Variants in KIF1A observed in about 807,000 individuals in gnomAD.
KIF1A encodes the protein kinesin-like protein KIF1A.
Under a neutral mutation model 227.3 loss-of-function variants are expected in KIF1A, and 46 were observed. The ratio of observed to expected loss-of-function variants is 0.20; its 90% CI spans 0.16 to 0.26. The LOEUF (loss-of-function observed/expected upper bound fraction) is 0.26. Ranked by LOEUF, KIF1A falls within the 10% of genes least tolerant of loss-of-function variation. KIF1A has a pLI of 1.00. For synonymous variants in KIF1A, 1,022 were observed against 1,012.8 expected (o/e 1.01, Z -0.17); for missense variants, 1,683 against 2,485.9 (o/e 0.68, Z 6.87).
chr2:240,791,775 G>T (rs1207097220), intron 2 of KIF1A, among the ~76,000 whole-genome samples: 4 of 152,184 alleles, frequency 2.6e-5, no homozygotes, highest in Non-Finnish European at 5.9e-5. Context: ...GGCAGCACAG[G>T]TGAGTGGGCG....
rs2044510359 is a variant in KIF1A, at chr2:240,715,421, G to A, written c.*1943C>T. On this transcript the variant is annotated 3_prime_UTR_variant, in exon 49 of 49. Transcript: ENST00000498729. The stretch of plus-strand genomic sequence containing the variant: ...CACAGAACCCCCCCATCAGCCCCTG[G>A]GAGAGCCTCCCAGGCAGGGGATGAG... The A allele has an allele frequency of 6.6e-6, 1 of 152,326 alleles. No individual in the cohort carries two copies. The highest frequency in any genetic ancestry group is 6.5e-5 in the Admixed American group (1 of 15,282). The allele number at this position is 152,326 out of a possible 1,614,324, so 9.4% of individuals were successfully genotyped here.
intron 38 of KIF1A, among the ~76,000 whole-genome samples, chr2:240,731,937 ATGGG>A (rs2046681422): frequency 6.7e-5 from 4 of 59,376 alleles, no homozygotes; most frequent in Admixed American, 1.8e-4. Context: ...GGGATGAGGG[ATGGG>A]GGGAGGAGGG....
At position 240,752,987 on chromosome 2, in the gene KIF1A, C is replaced by T. The variant is rs773108860; in HGVS notation, c.2859-2440G>A. Reference sequence around the variant, plus strand: ...ACTACCTTTCCTACCCCCAAAGACCCATCACCACAGCTGCCTTCCCAAAGC... The same window carrying T: ...ACTACCTTTCCTACCCCCAAAGACCTATCACCACAGCTGCCTTCCCAAAGC... On this transcript the variant is annotated intron_variant, in intron 27 of 48. Transcript: ENST00000498729. This position sits in a 1 kb window ranked among gnomAD's most constrained non-coding sequence, Gnocchi z 6.4. Among the ~76,000 whole-genome samples, 1 of 152,162 alleles carries T rather than the reference C, an allele frequency of 6.6e-6. No individual in the cohort carries two copies. The highest frequency in any genetic ancestry group is 2.4e-5 in the African/African-American group (1 of 41,442).
intron 21 of KIF1A, 27 bp from the exon 22 acceptor site, chr2:240,763,118 G>A (rs184930849): frequency 9.8e-5 from 157 of 1,600,476 alleles, no homozygotes; most frequent in Middle Eastern, 5.2e-4. Flanking sequence ...GGGTGAGCAC[G>A]GGAGGGCAGG....
At chr2:240,777,970 C>T (rs1416429663) in intron 10 of KIF1A, among the ~76,000 whole-genome samples, 1 of 152,194 alleles carries the variant, frequency 6.6e-6, no homozygotes, top group Non-Finnish European at 1.5e-5. Flanking sequence ...GTCCCGCACG[C>T]TCAAGCACTC....
chr2:240,721,663 T>TC (rs2045401625), intron 44 of KIF1A, 144 bp downstream of exon 44: 3 of 700,884 alleles, frequency 4.3e-6, no homozygotes, highest in Non-Finnish European at 7.4e-6. Context: ...CACTTAGGTA[T>TC]GAGGTGTCCC....
At position 240,777,521 on chromosome 2, in the gene KIF1A, C is replaced by T. The variant is rs558750912; in HGVS notation, c.883-1595G>A. Among the ~76,000 whole-genome samples the T allele has an allele frequency of 3.9e-5, 6 of 152,256 alleles. No homozygotes were observed. The East Asian group carries it at 1.2e-3, about 29-fold the overall frequency. On this transcript the variant is annotated intron_variant, in intron 10 of 48. Coordinates refer to ENST00000498729, the MANE Select transcript of KIF1A (RefSeq NM_001244008.2). ...TGTCCAGTCGTGCTCTGCCATCTCC[C>T]AGGACCACCCCGCTCTCCCGTCTAG...
intron 32 of KIF1A, among the ~76,000 whole-genome samples, chr2:240,745,177 T>C (rs2125786707): frequency 6.6e-6 from 1 of 152,146 alleles, no homozygotes; most frequent in Non-Finnish European, 1.5e-5. Flanking sequence ...CGGCTCCCCA[T>C]CGGCTCTATG....
rs1250550403 is a variant in KIF1A at position 240,807,106 on chromosome 2, GTGTGTGTGTGTGTGTGTGTGTGTGTA to G, written c.-60-9320_-60-9295del. Among the ~76,000 whole-genome samples, 6 of 97,554 alleles carry G rather than the reference GTGTGTGTGTGTGTGTGTGTGTGTGTA, an allele frequency of 6.2e-5. No homozygotes were observed. In the South Asian group the frequency reaches 1.2e-3, roughly 19 times the overall value. 64.0% of individuals were successfully genotyped at this position (97,554 alleles called of 152,430 possible). A position where few individuals can be genotyped will look rare whatever the true frequency, so the allele number is the denominator to read the frequency against. The stretch of plus-strand genomic sequence containing the variant: ...TGTGTGTGTGTGTGTGTGTGTGTGT[GTGTGTGTGTGTGTGTGTGTGTGTGTA>G]TATATATATATATATATATACACAG... On this transcript the variant is annotated intron_variant, in intron 1 of 48. Coordinates refer to ENST00000498729, the MANE Select transcript of KIF1A (RefSeq NM_001244008.2).
At position 240,745,900 on chromosome 2, in the gene KIF1A, G is replaced by A; in HGVS notation, c.3212C>T (p.Pro1071Leu). 4 of 1,603,152 alleles carry A rather than the reference G, an allele frequency of 2.5e-6. No homozygotes were observed. The highest frequency in any genetic ancestry group is 3.4e-6 in the Non-Finnish European group (4 of 1,173,308). The change falls in exon 31 of 49, where the codon CCA (proline) becomes CTA (leucine). Residue 1071 changes from proline (P) to leucine (L), a missense_variant. By Grantham distance (98) the Pro-to-Leu change is moderately conservative. Transcript: ENST00000498729. ...VNNNTCSAVPPEGLLLDSSEK... is the reference protein window; with the variant it reads ...VNNNTCSAVPLEGLLLDSSEK... ...AGAGCTGTCTAGGAGGAGGCCTTCT[G>A]GGGGCACTGCTGCTGGGAGTCAAGG...
At chr2:240,816,357 G>GTGTGTA (rs1230436093) in intron 1 of KIF1A, among the ~76,000 whole-genome samples, 2 of 152,046 alleles carry the variant, frequency 1.3e-5, no homozygotes, top group African/African-American at 2.4e-5. Flanking sequence ...TGTGCAATGT[G>GTGTGTA]TGTGTATGTG....
Position 240,719,042 on chromosome 2 carries a change from C to G in KIF1A, c.5178G>C (p.Gln1726His), listed in dbSNP as rs1461644464. 1 of 1,612,110 alleles carries G rather than the reference C, an allele frequency of 6.2e-7. No individual in the cohort carries two copies. The highest frequency in any genetic ancestry group is 8.5e-7 in the Non-Finnish European group (1 of 1,179,454). ...CCTGCTGGTCCTCACTGTACTCCAC[C>G]TGGGCAGTGGCCAGGTTGAGCACGA... ...ERFVLNLATAQVEYSEDQQAM... is the reference protein window; with the variant it reads ...ERFVLNLATAHVEYSEDQQAM... The change falls in exon 47 of 49, where the codon CAG becomes CAC. Residue 1726 changes from glutamine to histidine, a missense_variant. Physicochemically the swap from Gln to His is conservative, Grantham distance 24 (BLOSUM62 0). This residue lies in a region of KIF1A where 384 missense variants were observed against 410.1 expected (regional missense o/e 0.94). Coordinates refer to ENST00000498729, the MANE Select transcript of KIF1A (RefSeq NM_001244008.2).
At chr2:240,735,001 G>A (rs1202444721) in intron 38 of KIF1A, among the ~76,000 whole-genome samples, 1 of 152,182 alleles carries the variant, frequency 6.6e-6, no homozygotes, top group African/African-American at 2.4e-5. Context: ...GGAGCAGCCC[G>A]GCCCATCATG....
intron 44 of KIF1A, 42 bp downstream of exon 44, chr2:240,721,765 C>T (rs776048592): frequency 1.8e-5 from 28 of 1,535,398 alleles, no homozygotes; most frequent in Non-Finnish European, 2.2e-5. Flanking sequence ...TATGGGAGCC[C>T]GAGCCCTGCG....
chr2:240,744,088 G>C, intron 32 of KIF1A, 28 bp from the exon 33 acceptor site: 2 of 1,448,116 alleles, frequency 1.4e-6, no homozygotes, highest in Non-Finnish European at 9.7e-7. Flanking sequence ...GGGAGGACAG[G>C]AGGGCACGGC....
intron 1 of KIF1A, among the ~76,000 whole-genome samples, chr2:240,807,130 GTATATA>G (rs57742435): frequency 0.014 from 1,662 of 119,422 alleles, 37 homozygotes; most frequent in African/African-American, 0.045. Context: ...GTGTGTGTGT[GTATATA>G]TATATATATA....
chr2:240,794,225 C>T (rs1559536209), intron 2 of KIF1A, among the ~76,000 whole-genome samples: 2 of 152,234 alleles, frequency 1.3e-5, no homozygotes, highest in African/African-American at 2.4e-5. Context: ...CTCCCTCAGC[C>T]CTTCACTCAG....
chr2:240,769,503 G>T, intron 16 of KIF1A, 124 bp downstream of exon 16: 1 of 776,424 alleles, frequency 1.3e-6, no homozygotes, highest in Non-Finnish European at 2.1e-6. Context: ...CCTGGGCTGG[G>T]ATGTGGCCAC....
chr2:240,774,689 T>C lies in KIF1A; in HGVS notation c.959-428A>G, dbSNP rs564097504. Among the ~76,000 whole-genome samples the C allele has an allele frequency of 3.1e-4, 47 of 152,342 alleles. 1 individual carries two copies. In the South Asian group the frequency reaches 9.3e-3, roughly 30 times the overall value. ...TCCTCAGTATTTAACATCAGATTCC[T>C]GGCCCAGGTTAGTAGGATCAAAGCA... On this transcript the variant is annotated intron_variant, in intron 11 of 48. Coordinates refer to ENST00000498729, the MANE Select transcript of KIF1A (RefSeq NM_001244008.2).
Sources: gnomAD v4.1 joint callset for allele counts (sites outside exome capture counted in the v4.1 genomes callset) on GRCh38, gnomAD v4.1.1 for gene constraint, gnomAD v4.1.1 regional missense constraint, Gnocchi (gnomAD v3.1) non-coding constraint, MANE v1.5 for transcripts, NCBI Gene and HGNC (gene_info 2026-07-23, HGNC 2026-07-21) for gene names.